Variants in SLC35F1 observed in about 807,000 individuals in gnomAD.
SLC35F1 encodes chromosome 6 open reading frame 169.
A neutral mutation model predicts 48.7 loss-of-function variants in SLC35F1; 14 were observed. The ratio of observed to expected loss-of-function variants is 0.29; its 90% CI spans 0.19 to 0.45. The LOEUF is 0.45. Ranked by LOEUF, SLC35F1 falls within the 20% of genes least tolerant of loss-of-function variation. The pLI is 1.00. For synonymous variants in SLC35F1, 190 were observed against 202.2 expected, an observed-to-expected ratio of 0.94 and a Z score of 0.51; for missense variants, 404 against 500.0, an observed-to-expected ratio of 0.81 and a Z score of 1.83.
chr6:118,071,038 A>ATTC (rs1562280921), intron 1 of SLC35F1, among the ~76,000 whole-genome samples: 2 of 142,280 alleles, frequency 1.4e-5, no homozygotes, highest in Non-Finnish European at 3.0e-5. Flanking sequence ...ACGTGTATAT[A>ATTC]TATACACATA....
chr6:118,293,224 T>G lies in SLC35F1; in HGVS notation c.1002+7886T>G, dbSNP rs1158239848. 2.0e-5 allele frequency among the ~76,000 whole-genome samples: 3 copies of G among 152,144 alleles called. No individual in the cohort carries two copies. The East Asian group carries it at 5.8e-4, about 29-fold the overall frequency. ...TAGTGGCTTAAAAAATAACCCAAAT[T>G]TACTATCTTACAGTTCTGGAAGTCA... is the stretch of plus-strand genomic sequence containing the variant. On this transcript the variant is annotated intron_variant, in intron 7 of 7. Transcript: ENST00000360388.
intron 4 of SLC35F1, among the ~76,000 whole-genome samples, chr6:118,272,737 G>GTGTGTATATATATATATATA (rs201515909): frequency 1.8e-4 from 22 of 120,248 alleles, no homozygotes; most frequent in African/African-American, 6.1e-4. Context: ...ATATGTGTGT[G>GTGTGTATATATATATATATA]TATATATATA....
chr6:118,294,703 C>T (rs1209385772), intron 7 of SLC35F1, among the ~76,000 whole-genome samples: 1 of 152,148 alleles, frequency 6.6e-6, no homozygotes, highest in Admixed American at 6.5e-5. Context: ...TATGGCTCTC[C>T]ATGCTGAACA....
At chr6:118,158,799 T>G (rs1196667943) in intron 2 of SLC35F1, among the ~76,000 whole-genome samples, 2 of 152,218 alleles carry the variant, frequency 1.3e-5, no homozygotes, top group Non-Finnish European at 2.9e-5. Flanking sequence ...ATTAATTGAT[T>G]CTTACAAAAA....
intron 1 of SLC35F1, among the ~76,000 whole-genome samples, chr6:118,048,501 C>T (rs1296686063): frequency 1.3e-5 from 2 of 152,228 alleles, no homozygotes; most frequent in East Asian, 3.9e-4. Flanking sequence ...AGCTGATAAG[C>T]AACTTCAGCA....
intron 1 of SLC35F1, among the ~76,000 whole-genome samples, chr6:117,931,201 A>G (rs1008329384): frequency 1.3e-5 from 2 of 152,208 alleles, no homozygotes; most frequent in Non-Finnish European, 2.9e-5. Context: ...TATCATATAT[A>G]AGAACTTAGG....
chr6:118,205,286 A>G (rs1774921116), intron 2 of SLC35F1, among the ~76,000 whole-genome samples: 1 of 152,140 alleles, frequency 6.6e-6, no homozygotes. Flanking sequence ...GCCACCACTC[A>G]CAATAAAAAA....
intron 3 of SLC35F1, among the ~76,000 whole-genome samples, chr6:118,262,693 T>C (rs1775727812): frequency 6.6e-6 from 1 of 152,250 alleles, no homozygotes; most frequent in African/African-American, 2.4e-5. Flanking sequence ...CTTAAAGGGC[T>C]GTTGTGAAGA....
At chr6:118,022,052 G>C (rs1389570122) in intron 1 of SLC35F1, among the ~76,000 whole-genome samples, 2 of 152,188 alleles carry the variant, frequency 1.3e-5, no homozygotes, top group Non-Finnish European at 2.9e-5. Flanking sequence ...AGGGGGAAAA[G>C]AAACAGAGTC....
intron 7 of SLC35F1, among the ~76,000 whole-genome samples, 195 bp from the exon 8 acceptor site, chr6:118,313,833 A>G (rs1302256128): frequency 6.6e-6 from 1 of 152,204 alleles, no homozygotes; most frequent in African/African-American, 2.4e-5. Flanking sequence ...CACAGGGTCT[A>G]GGAAAGATAA....
chr6:118,156,567 T>G (rs540551879), intron 2 of SLC35F1, among the ~76,000 whole-genome samples: 2 of 152,140 alleles, frequency 1.3e-5, no homozygotes, highest in East Asian at 3.9e-4. Context: ...GGAAAATATC[T>G]AATGTAAATG....
intron 1 of SLC35F1, among the ~76,000 whole-genome samples, chr6:117,916,460 C>T (rs1027746193): frequency 4.6e-5 from 7 of 152,074 alleles, no homozygotes; most frequent in Admixed American, 1.3e-4. Context: ...ATGGGGGGAG[C>T]GGTTCCTCAT....
At position 118,181,787 on chromosome 6, in the gene SLC35F1, C is replaced by CTT. The variant is rs760816199; in HGVS notation, c.349+27169_349+27170dup. On this transcript the variant is annotated intron_variant, in intron 2 of 7. Transcript: ENST00000360388. ...TTGGTAAACTCCAAAAAGAGAGCTA[C>CTT]TTTAGATATATTCGATATAAACTTT... 5.9e-5 allele frequency among the ~76,000 whole-genome samples: 9 copies of CTT among 152,046 alleles called. 1 individual carries two copies. The East Asian group carries it at 1.5e-3, about 26-fold the overall frequency.
chr6:118,033,266 T>G (rs1415398471), intron 1 of SLC35F1, among the ~76,000 whole-genome samples: 1 of 152,182 alleles, frequency 6.6e-6, no homozygotes. Flanking sequence ...AATACTGCCC[T>G]TGACTCCTTT....
chr6:118,150,392 G>A (rs1234827950), intron 1 of SLC35F1, among the ~76,000 whole-genome samples: 2 of 152,070 alleles, frequency 1.3e-5, no homozygotes, highest in African/African-American at 4.8e-5. Context: ...CATATAGAAT[G>A]CTATTTTATA....
At chr6:117,971,723 A>T (rs1289513205) in intron 1 of SLC35F1, among the ~76,000 whole-genome samples, 4 of 152,234 alleles carry the variant, frequency 2.6e-5, no homozygotes, top group Non-Finnish European at 5.9e-5. Flanking sequence ...GCACCCTCTG[A>T]AGCAACAGCC....
chr6:118,303,323 A>G (rs1776275728), intron 7 of SLC35F1, among the ~76,000 whole-genome samples: 1 of 152,250 alleles, frequency 6.6e-6, no homozygotes, highest in Non-Finnish European at 1.5e-5. Flanking sequence ...TCCCCTATGC[A>G]AAAGAAAGAT....
intron 2 of SLC35F1, among the ~76,000 whole-genome samples, chr6:118,173,401 A>C (rs1186569919): frequency 1.4e-5 from 2 of 146,654 alleles, no homozygotes; most frequent in East Asian, 3.9e-4. Context: ...AAAAACAAAA[A>C]ACAAAAAAAA....
At chr6:118,032,270 G>A (rs1772065072) in intron 1 of SLC35F1, among the ~76,000 whole-genome samples, 1 of 152,044 alleles carries the variant, frequency 6.6e-6, no homozygotes, top group African/African-American at 2.4e-5. Context: ...GAAAAAATGA[G>A]GGTGGACATG....
Sources: allele counts gnomAD v4.1 joint callset (sites outside exome capture counted in the v4.1 genomes callset), GRCh38; gene constraint gnomAD v4.1.1; transcripts MANE v1.5; gene names NCBI Gene and HGNC (gene_info 2026-07-23, HGNC 2026-07-21).